MIS18A: variants seen among roughly 807,000 people sequenced by gnomAD.
The protein encoded by MIS18A is protein Mis18-alpha.
MIS18A carries 14 observed loss-of-function variants against 25.0 expected under a neutral mutation model. The observed-to-expected ratio is 0.56, with a 90% CI of 0.37 to 0.88. The LOEUF is 0.88. Among genes scored for constraint, MIS18A ranks in the 40% least tolerant of loss-of-function variants. The probability of loss-of-function intolerance (pLI) is 0.00; values close to 1 mark genes in which losing one functional copy is unlikely to be tolerated. For synonymous variants in MIS18A, 134 were observed against 118.6 expected (o/e 1.13, Z -0.84); for missense variants, 292 against 290.8 (o/e 1.00, Z -0.03).
the MIS18A span, among the ~76,000 whole-genome samples, chr21:32,223,602 A>G: frequency 6.6e-6 from 1 of 152,348 alleles, no homozygotes; most frequent in East Asian, 1.9e-4. Flanking sequence ...CCCTGAATAG[A>G]CCAATAACAA....
chr21:32,195,857 T>TA, the MIS18A span, among the ~76,000 whole-genome samples: 3 of 152,082 alleles, frequency 2.0e-5, no homozygotes, highest in African/African-American at 7.2e-5. Flanking sequence ...TTGTCTCTAC[T>TA]AAAAATACAA....
At chr21:32,220,581 G>T in the MIS18A span, among the ~76,000 whole-genome samples, 1 of 152,190 alleles carries the variant, frequency 6.6e-6, no homozygotes, top group African/African-American at 2.4e-5. Flanking sequence ...TCCTCCAAAA[G>T]ATCACAACTC....
the MIS18A span, among the ~76,000 whole-genome samples, chr21:32,226,830 A>G: frequency 1.3e-5 from 2 of 152,198 alleles, 1 homozygote; most frequent in South Asian, 4.1e-4. Flanking sequence ...AGGATAAACT[A>G]TATTGCCATA....
chr21:32,181,247 C>G, the MIS18A span, among the ~76,000 whole-genome samples: 3 of 152,066 alleles, frequency 2.0e-5, no homozygotes, highest in African/African-American at 7.2e-5. Context: ...CAGACCGGAA[C>G]CTACACCACA....
At chr21:32,269,531 T>A (rs1417190959) in intron 4 of MIS18A, 176 bp downstream of exon 4, 2 of 543,836 alleles carry the variant, frequency 3.7e-6, no homozygotes, top group African/African-American at 3.9e-5. Context: ...TTTTGTTGAT[T>A]AAGCTTTAGC....
At chr21:32,278,275 C>T (rs935464714) in intron 1 of MIS18A, 1 of 185,786 alleles carries the variant, frequency 5.4e-6, no homozygotes, top group East Asian at 1.5e-4. Context: ...GCTGTAGAGG[C>T]ATCCGCTGAT....
chr21:32,163,560 C>T, the MIS18A span, among the ~76,000 whole-genome samples: 1 of 152,254 alleles, frequency 6.6e-6, no homozygotes, highest in Non-Finnish European at 1.5e-5. Flanking sequence ...TCTGCCTGCC[C>T]TTTGACACAG....
chr21:32,271,105 C>T (rs1392375137), intron 2 of MIS18A, among the ~76,000 whole-genome samples: 1 of 152,202 alleles, frequency 6.6e-6, no homozygotes, highest in African/African-American at 2.4e-5. Context: ...AACTCAGGTT[C>T]CACACACTTG....
At chr21:32,171,859 A>T in the MIS18A span, among the ~76,000 whole-genome samples, 1 of 152,066 alleles carries the variant, frequency 6.6e-6, no homozygotes, top group Non-Finnish European at 1.5e-5. Context: ...AAAAACATGC[A>T]AAGATACCAT....
intron 2 of MIS18A, among the ~76,000 whole-genome samples, chr21:32,272,446 T>A (rs183478538): frequency 2.6e-4 from 40 of 152,346 alleles, no homozygotes; most frequent in African/African-American, 9.6e-4. Context: ...GTTTAGGTGA[T>A]ACAAACAGTA....
At chr21:32,249,757 G>A in the MIS18A span, among the ~76,000 whole-genome samples, 1 of 152,160 alleles carries the variant, frequency 6.6e-6, no homozygotes. Context: ...CAGCTCTCCA[G>A]TGAACTAATA....
chr21:32,155,671 G>T, the MIS18A span, among the ~76,000 whole-genome samples: 1 of 152,304 alleles, frequency 6.6e-6, no homozygotes, highest in African/African-American at 2.4e-5. Context: ...TCATCTGTAT[G>T]TAAAAAGTTA....
the MIS18A span, among the ~76,000 whole-genome samples, chr21:32,205,500 C>A: frequency 6.6e-6 from 1 of 152,062 alleles, no homozygotes; most frequent in Non-Finnish European, 1.5e-5. Context: ...TTTCCCCCAC[C>A]CCTACTTAAA....
chr21:32,172,119 T>C, the MIS18A span, among the ~76,000 whole-genome samples: 1 of 152,044 alleles, frequency 6.6e-6, no homozygotes, highest in African/African-American at 2.4e-5. Context: ...AGGATGGCTA[T>C]TATCAAAAAG....
the MIS18A span, among the ~76,000 whole-genome samples, chr21:32,192,201 A>G: frequency 6.6e-6 from 1 of 152,126 alleles, no homozygotes; most frequent in South Asian, 2.1e-4. Context: ...CTGTTCCCAT[A>G]GGCAGCCCCA....
downstream of MIS18A, among the ~76,000 whole-genome samples, chr21:32,264,569 T>C (rs912470970): frequency 3.9e-5 from 6 of 152,204 alleles, no homozygotes; most frequent in African/African-American, 1.4e-4. Flanking sequence ...ATTATACAGA[T>C]GCAAAAACAG....
At chr21:32,235,670 G>A in the MIS18A span, among the ~76,000 whole-genome samples, 7 of 152,148 alleles carry the variant, frequency 4.6e-5, no homozygotes, top group Non-Finnish European at 8.8e-5. Context: ...TTAACCACTG[G>A]CCCCTGCAAA....
the MIS18A span, among the ~76,000 whole-genome samples, chr21:32,204,478 C>T: frequency 6.7e-6 from 1 of 150,198 alleles, no homozygotes; most frequent in East Asian, 2.0e-4. Context: ...GCCTGGGTGA[C>T]AGAATGAGAT....
the MIS18A span, among the ~76,000 whole-genome samples, chr21:32,185,755 C>T: frequency 6.6e-6 from 1 of 152,078 alleles, no homozygotes; most frequent in East Asian, 1.9e-4. Flanking sequence ...TCAAGACCCT[C>T]CTAAAGTCCA....
Sources: allele counts gnomAD v4.1 joint callset (sites outside exome capture counted in the v4.1 genomes callset), GRCh38; gene constraint gnomAD v4.1.1; transcripts MANE v1.5; gene names NCBI Gene and HGNC (gene_info 2026-07-23, HGNC 2026-07-21).